The following ZNF532 variants were observed in gnomAD, a reference collection of about 807,000 sequenced individuals.
ZNF532 encodes zinc finger protein 532.
In ZNF532, 22 loss-of-function variants were observed where a neutral mutation model predicts 89.3. The observed-to-expected ratio is 0.25, with a 90% CI of 0.18 to 0.35. ZNF532 has a LOEUF of 0.35. ZNF532 is among the 10% of genes least tolerant of loss of function. The probability of loss-of-function intolerance (pLI) is 1.00; values close to 1 mark genes in which losing one functional copy is unlikely to be tolerated. For missense variants in ZNF532, 1,132 were observed against 1,643.4 expected, an observed-to-expected ratio of 0.69 and a Z score of 5.38; for synonymous variants, 606 against 649.6, an observed-to-expected ratio of 0.93 and a Z score of 1.02.
intron 6 of ZNF532, among the ~76,000 whole-genome samples, chr18:58,951,322 G>A (rs1479549833): frequency 6.6e-6 from 1 of 152,048 alleles, no homozygotes; most frequent in Admixed American, 6.6e-5. Flanking sequence ...AATTTCTGTA[G>A]CACTTTAAGG....
At chr18:58,975,581 C>T (rs558823042) in intron 7 of ZNF532, among the ~76,000 whole-genome samples, 1 of 152,316 alleles carries the variant, frequency 6.6e-6, no homozygotes, top group South Asian at 2.1e-4. Context: ...ACAGCAGCAG[C>T]ATGGGGTAGC....
chr18:58,923,828 G>A (rs551760851), intron 3 of ZNF532, among the ~76,000 whole-genome samples: 1 of 152,072 alleles, frequency 6.6e-6, no homozygotes, highest in South Asian at 2.1e-4. Context: ...ACTGTGCCAA[G>A]CCCCTCCTTT....
chr18:58,872,455 T>C (rs538622001), intron 2 of ZNF532, among the ~76,000 whole-genome samples: 3 of 152,122 alleles, frequency 2.0e-5, no homozygotes, highest in Admixed American at 6.5e-5. Flanking sequence ...GGGATTTCAA[T>C]AGTAAGAATT....
rs531303116 is a variant in ZNF532, at chr18:58,984,024, C to A, written c.3464C>A (p.Pro1155His). Residue 1155 changes from proline (P) to histidine (H), a missense_variant, in exon 10 of 10, where the codon CCC (proline) becomes CAC (histidine). Coordinates refer to ENST00000591808, the MANE Select transcript of ZNF532 (RefSeq NM_001375912.1). The stretch of plus-strand genomic sequence containing the variant: ...GAACCAGTTCTGGAGTTCAGGCCTC[C>A]CCGAGGAGCAATCACTCAACCACTG... ...LEEPVLEFRP[P>H]RGAITQPLKK... The A allele has an allele frequency of 3.5e-5, 57 of 1,611,666 alleles. No individual in the cohort carries two copies. Among genetic ancestry groups the A allele is most frequent in the Non-Finnish European group, 4.7e-5 (55 of 1,179,808 alleles).
At chr18:58,872,339 T>G (rs17694673) in intron 2 of ZNF532, among the ~76,000 whole-genome samples, 11,121 of 152,270 alleles carry the variant, frequency 0.073, 581 homozygotes, top group Admixed American at 0.12. Flanking sequence ...ACCATCAGCC[T>G]TTGCATTTTG....
At chr18:58,887,938 A>G (rs1200436657) in intron 2 of ZNF532, among the ~76,000 whole-genome samples, 1 of 152,170 alleles carries the variant, frequency 6.6e-6, no homozygotes, top group East Asian at 1.9e-4. Context: ...CTGCGGAATT[A>G]AAGGAGCCCT....
intron 4 of ZNF532, among the ~76,000 whole-genome samples, chr18:58,937,266 G>A (rs2062560659): frequency 6.6e-6 from 1 of 152,140 alleles, no homozygotes; most frequent in Non-Finnish European, 1.5e-5. Context: ...TACTGCATGA[G>A]CCGTTTGAAG....
intron 3 of ZNF532, among the ~76,000 whole-genome samples, chr18:58,932,037 G>A (rs1351974347): frequency 1.3e-5 from 2 of 152,184 alleles, no homozygotes; most frequent in Non-Finnish European, 2.9e-5. Context: ...CTAAGTGTCT[G>A]TACGTGGATA....
At chr18:58,909,449 C>T (rs779088341) in intron 2 of ZNF532, among the ~76,000 whole-genome samples, 1 of 152,044 alleles carries the variant, frequency 6.6e-6, no homozygotes, top group African/African-American at 2.4e-5. Flanking sequence ...GATAGAAACC[C>T]GTTTGTTCTG....
intron 5 of ZNF532, among the ~76,000 whole-genome samples, chr18:58,944,968 A>G (rs756677270): frequency 1.3e-5 from 2 of 152,180 alleles, no homozygotes; most frequent in Non-Finnish European, 2.9e-5. Context: ...GAACTTGTGT[A>G]AGTAACCTCC....
chr18:58,983,035 C>T (rs1233267714), intron 9 of ZNF532, among the ~76,000 whole-genome samples: 1 of 152,154 alleles, frequency 6.6e-6, no homozygotes, highest in Non-Finnish European at 1.5e-5. Context: ...TCGCTTGAAC[C>T]CGGGAGGCCG....
chr18:58,979,811 C>T (rs184449837), intron 8 of ZNF532: 6 of 152,550 alleles, frequency 3.9e-5, no homozygotes, highest in South Asian at 2.1e-4. Flanking sequence ...CAGATTCAGT[C>T]CTCGGCTGGG....
intron 3 of ZNF532, among the ~76,000 whole-genome samples, chr18:58,933,784 C>T (rs1465450058): frequency 6.6e-6 from 1 of 152,118 alleles, no homozygotes; most frequent in African/African-American, 2.4e-5. Flanking sequence ...TTATTTTATA[C>T]ATAATCAGAT....
chr18:58,946,509 G>A (rs1191475460), intron 5 of ZNF532, among the ~76,000 whole-genome samples: 1 of 152,004 alleles, frequency 6.6e-6, no homozygotes, highest in African/African-American at 2.4e-5. Context: ...CTGAGCTCAG[G>A]CAATCCACCT....
chr18:58,933,588 G>T lies in ZNF532; in HGVS notation c.2347-845G>T, dbSNP rs568022411. Among the ~76,000 whole-genome samples the T allele has an allele frequency of 3.3e-5, 5 of 152,208 alleles. No individual in the cohort carries two copies. The East Asian group carries it at 9.6e-4, about 29-fold the overall frequency. Reference sequence around the variant, plus strand: ...CAGTTTATGTCATATGCTATGTGAGGTTTATTTTTGGGGTGGAAGTAATAA... The same window carrying T: ...CAGTTTATGTCATATGCTATGTGAGTTTTATTTTTGGGGTGGAAGTAATAA... On this transcript the variant is annotated intron_variant, in intron 3 of 9. Coordinates refer to ENST00000591808, the MANE Select transcript of ZNF532 (RefSeq NM_001375912.1).
In ZNF532 at chr18:58,939,397, G is replaced by A. The variant is rs775715708; in HGVS notation, c.2529-48G>A. 15 of 1,525,316 alleles carry A rather than the reference G, an allele frequency of 9.8e-6. No homozygotes were observed. The African/African-American group carries it at 1.6e-4, about 17-fold the overall frequency. The allele number at this position is 1,525,316 out of a possible 1,614,324, so 94.5% of individuals were successfully genotyped here. On this transcript the variant is annotated intron_variant, in intron 4 of 9. Transcript: ENST00000591808. ...TCTCACCCAGTTTTTGCAGTTACAC[G>A]TGTGTTATGGTCTTGTGCTAATGAC...
intron 5 of ZNF532, among the ~76,000 whole-genome samples, chr18:58,940,958 A>ACACACACACACACACACACACT (rs1209329621): frequency 7.6e-6 from 1 of 131,698 alleles, no homozygotes; most frequent in African/African-American, 2.8e-5. Context: ...ACACACACAC[A>ACACACACACACACACACACACT]CTCTTTCTCT....
intron 2 of ZNF532, among the ~76,000 whole-genome samples, chr18:58,917,963 T>C (rs2060724780): frequency 6.6e-6 from 1 of 152,240 alleles, no homozygotes; most frequent in Non-Finnish European, 1.5e-5. Flanking sequence ...TTCTAGTTGC[T>C]ACACCAGAAC....
At chr18:58,875,337 C>G (rs1430741783) in intron 2 of ZNF532, among the ~76,000 whole-genome samples, 1 of 152,048 alleles carries the variant, frequency 6.6e-6, no homozygotes, top group Non-Finnish European at 1.5e-5. Flanking sequence ...TAAAATATGA[C>G]TGCTAGAAAA....
Sources: allele counts gnomAD v4.1 joint callset (sites outside exome capture counted in the v4.1 genomes callset), GRCh38; gene constraint gnomAD v4.1.1; transcripts MANE v1.5; gene names NCBI Gene and HGNC (gene_info 2026-07-23, HGNC 2026-07-21).